Variants in MYO1E observed in about 807,000 individuals in gnomAD.
The protein encoded by MYO1E is myosin IE.
A neutral mutation model predicts 151.1 loss-of-function variants in MYO1E; 68 were observed. That is an observed-to-expected ratio of 0.45 (90% CI 0.37 to 0.55). The LOEUF (loss-of-function observed/expected upper bound fraction) is 0.55. Ranked by LOEUF, MYO1E falls within the 20% of genes least tolerant of loss-of-function variation. The probability of loss-of-function intolerance (pLI) is 0.00; values close to 1 mark genes in which losing one functional copy is unlikely to be tolerated. For synonymous variants in MYO1E, 601 were observed against 501.7 expected (o/e 1.20, Z -2.64); for missense variants, 1,363 against 1,389.3 (o/e 0.98, Z 0.30).
rs1345879838 is a variant in MYO1E at position 59,172,149 on chromosome 15, G to A, written c.2335-107C>T. ...AGGCGGGTGAATCACCTGAGGTCAGGAGTTCGAGACCAGCCTGACCAACAT... is the reference window on the plus strand; with the variant it reads ...AGGCGGGTGAATCACCTGAGGTCAGAAGTTCGAGACCAGCCTGACCAACAT... On this transcript the variant is annotated intron_variant, in intron 21 of 27. Coordinates refer to ENST00000288235, the MANE Select transcript of MYO1E (RefSeq NM_004998.4). 8 of 1,280,578 alleles carry A rather than the reference G, an allele frequency of 6.2e-6. No individual in the cohort carries two copies. The East Asian group carries it at 1.7e-4, about 28-fold the overall frequency. The allele number at this position is 1,280,578 out of a possible 1,614,324, so 79.3% of individuals were successfully genotyped here.
At chr15:59,194,801 C>T (rs370331162) in intron 17 of MYO1E, among the ~76,000 whole-genome samples, 5 of 152,282 alleles carry the variant, frequency 3.3e-5, no homozygotes, top group Non-Finnish European at 4.4e-5. Context: ...TCCTCAATGC[C>T]GCCATTTCTT....
intron 4 of MYO1E, among the ~76,000 whole-genome samples, chr15:59,243,169 C>A (rs543794089): frequency 6.8e-6 from 1 of 146,270 alleles, no homozygotes; most frequent in African/African-American, 2.5e-5. Context: ...AAGGTATAAC[C>A]CAAGGATTAA....
intron 2 of MYO1E, among the ~76,000 whole-genome samples, chr15:59,270,190 A>G (rs898496136): frequency 1.3e-5 from 2 of 152,230 alleles, no homozygotes; most frequent in African/African-American, 4.8e-5. Context: ...ACCACACACA[A>G]TAAGTATGTG....
Position 59,187,828 on chromosome 15 carries a change from T to C in MYO1E, c.1904+290A>G, listed in dbSNP as rs149004962. On this transcript the variant is annotated intron_variant, in intron 18 of 27. Coordinates refer to ENST00000288235, the MANE Select transcript of MYO1E (RefSeq NM_004998.4). The stretch of plus-strand genomic sequence containing the variant: ...AAAGAAGTCAGTCACAGAGGACACA[T>C]ATATGATTCCATTGCTATGAAAAGC... Among the ~76,000 whole-genome samples the C allele has an allele frequency of 0.012, 1,832 of 152,326 alleles. 17 individuals carry two copies. The highest frequency in any genetic ancestry group is 0.018 in the Non-Finnish European group (1,241 of 68,026).
chr15:59,236,369 T>TATATATACACAC (rs1392466770), intron 5 of MYO1E, among the ~76,000 whole-genome samples: 191 of 117,700 alleles, frequency 1.6e-3, no homozygotes, highest in African/African-American at 5.7e-3. Context: ...AAAAAATATA[T>TATATATACACAC]ACACACACAC....
chr15:59,256,331 C>T lies in MYO1E; in HGVS notation c.285G>A (p.Met95Ile), dbSNP rs1566993627. The T allele has an allele frequency of 1.2e-6, 2 of 1,613,108 alleles. No homozygotes were observed. Among genetic ancestry groups the T allele is most frequent in the Non-Finnish European group, 1.7e-6 (2 of 1,179,292 alleles). The change falls in exon 4 of 28, where the codon ATG becomes ATA. Residue 95 changes from methionine to isoleucine, a missense_variant. Physicochemically the swap from Met to Ile is conservative, Grantham distance 10. Coordinates refer to ENST00000288235, the MANE Select transcript of MYO1E (RefSeq NM_004998.4). The stretch of plus-strand genomic sequence containing the variant: ...CTCTGTCAATGATCATGTTTCTGTA[C>T]ATATTATCTGCAAGGGCATAGATAT... ...PPHIYALADNMYRNMIIDREN... is the reference protein window; with the variant it reads ...PPHIYALADNIYRNMIIDREN...
At chr15:59,315,747 G>T (rs1038926432) in intron 1 of MYO1E, among the ~76,000 whole-genome samples, 12 of 152,184 alleles carry the variant, frequency 7.9e-5, no homozygotes, top group Admixed American at 2.0e-4. Context: ...CCTCTTCCTT[G>T]AATTCTTTGC....
intron 1 of MYO1E, among the ~76,000 whole-genome samples, chr15:59,278,143 G>T (rs553886349): frequency 1.3e-5 from 2 of 152,306 alleles, no homozygotes; most frequent in South Asian, 4.1e-4. Flanking sequence ...AGGTTTGAAA[G>T]GTGATTGGAA....
At position 59,253,901 on chromosome 15, in the gene MYO1E, C is replaced by CTTTTTTTTTTTTTTTT. The variant is rs34819314; in HGVS notation, c.332+2367_332+2382dup. On this transcript the variant is annotated intron_variant, in intron 4 of 27. Coordinates refer to ENST00000288235, the MANE Select transcript of MYO1E (RefSeq NM_004998.4). Reference sequence around the variant, plus strand: ...TAGTAAGATCTACAGGACAAACAACCTTTTTTTTTTTTTTTTAACAAAGCC... The same window carrying CTTTTTTTTTTTTTTTT: ...TAGTAAGATCTACAGGACAAACAACCTTTTTTTTTTTTTTTTTTTTTTTTTTTTTTTTAACAAAGCC... Among the ~76,000 whole-genome samples, 206 of 135,752 alleles carry CTTTTTTTTTTTTTTTT rather than the reference C, an allele frequency of 1.5e-3. 3 individuals carry two copies. The highest frequency in any genetic ancestry group is 3.1e-3 in the South Asian group (13 of 4,210). 89.1% of individuals were successfully genotyped at this position (135,752 alleles called of 152,430 possible).
intron 17 of MYO1E, among the ~76,000 whole-genome samples, chr15:59,191,882 G>A (rs1019596179): frequency 3.9e-5 from 6 of 152,018 alleles, no homozygotes; most frequent in African/African-American, 7.3e-5. Context: ...GTCCCTGGCC[G>A]TTTACTCAAA....
At chr15:59,286,765 T>TGCCTG (rs1333166149) in intron 1 of MYO1E, among the ~76,000 whole-genome samples, 13 of 152,364 alleles carry the variant, frequency 8.5e-5, no homozygotes, top group African/African-American at 2.6e-4. Context: ...ACCCTTGGCT[T>TGCCTG]GCCTGATCTG....
At chr15:59,250,983 TAAG>T in intron 4 of MYO1E, among the ~76,000 whole-genome samples, 2 of 152,246 alleles carry the variant, frequency 1.3e-5, no homozygotes, top group Admixed American at 1.3e-4. Context: ...CAAGCTCATG[TAAG>T]AAGACCATTC....
At chr15:59,338,574 T>C (rs1320641176) in intron 1 of MYO1E, among the ~76,000 whole-genome samples, 1 of 152,184 alleles carries the variant, frequency 6.6e-6, no homozygotes, top group African/African-American at 2.4e-5. Flanking sequence ...CAGGACTGTC[T>C]CTATGGGCTC....
chr15:59,141,935 G>A (rs1398063343), intron 26 of MYO1E, among the ~76,000 whole-genome samples: 34 of 151,430 alleles, frequency 2.2e-4, no homozygotes, highest in Non-Finnish European at 4.1e-4. Flanking sequence ...GTGAAACCCC[G>A]TCTCTACTAA....
chr15:59,339,852 T>TG (rs1491433018), intron 1 of MYO1E, among the ~76,000 whole-genome samples: 19 of 81,434 alleles, frequency 2.3e-4, no homozygotes, highest in African/African-American at 1.1e-3. Flanking sequence ...TACTTTTTTT[T>TG]GTTTTTTTTT....
At chr15:59,229,882 AC>A (rs2080015924) in intron 6 of MYO1E, among the ~76,000 whole-genome samples, 1 of 152,174 alleles carries the variant, frequency 6.6e-6, no homozygotes, top group Non-Finnish European at 1.5e-5. Context: ...TTAAAAAAAA[AC>A]AAGAACATAT....
At chr15:59,183,508 T>A (rs1396440297) in intron 18 of MYO1E, among the ~76,000 whole-genome samples, 2 of 152,000 alleles carry the variant, frequency 1.3e-5, no homozygotes, top group Non-Finnish European at 2.9e-5. Flanking sequence ...ACTGATAAGT[T>A]TTTTTTGGGG....
At chr15:59,229,405 TA>T (rs1375829908) in intron 6 of MYO1E, among the ~76,000 whole-genome samples, 1 of 152,186 alleles carries the variant, frequency 6.6e-6, no homozygotes, top group Non-Finnish European at 1.5e-5. Context: ...TCTAACATAA[TA>T]AAATGCATAT....
At chr15:59,149,635 T>C (rs2079464627) in intron 26 of MYO1E, among the ~76,000 whole-genome samples, 1 of 152,216 alleles carries the variant, frequency 6.6e-6, no homozygotes, top group Non-Finnish European at 1.5e-5. Flanking sequence ...TAAAATAAAC[T>C]GATAAAGACT....
Sources: gnomAD v4.1 joint callset for allele counts (sites outside exome capture counted in the v4.1 genomes callset) on GRCh38, gnomAD v4.1.1 for gene constraint, MANE v1.5 for transcripts, NCBI Gene and HGNC (gene_info 2026-07-23, HGNC 2026-07-21) for gene names.